Variants in MGAT4A observed in about 807,000 individuals in gnomAD.
MGAT4A encodes alpha-1,3-mannosyl-glycoprotein 4-beta-N-acetylglucosaminyltransferase A.
Under a neutral mutation model 74.1 loss-of-function variants are expected in MGAT4A, and 33 were observed. The ratio of observed to expected loss-of-function variants is 0.45; its 90% CI spans 0.34 to 0.60. The LOEUF is 0.60. MGAT4A is among the 20% of genes least tolerant of loss of function. The probability of loss-of-function intolerance (pLI) is 0.02; values close to 1 mark genes in which losing one functional copy is unlikely to be tolerated. For synonymous variants in MGAT4A, 198 were observed against 210.4 expected (o/e 0.94, Z 0.51); for missense variants, 479 against 628.3 (o/e 0.76, Z 2.54).
chr2:98,621,860 A>C lies in MGAT4A; in HGVS notation c.*3706T>G. 9.9e-7 allele frequency: 1 copy of C among 1,013,006 alleles called. No individual in the cohort carries two copies. The highest frequency in any genetic ancestry group is 1.2e-6 in the Non-Finnish European group (1 of 847,752). 62.8% of individuals were successfully genotyped at this position (1,013,006 alleles called of 1,614,324 possible). A position where few individuals can be genotyped will look rare whatever the true frequency, so the allele number is the denominator to read the frequency against. On this transcript the variant is annotated 3_prime_UTR_variant, in exon 16 of 16. Coordinates refer to ENST00000393487, the MANE Select transcript of MGAT4A (RefSeq NM_012214.3). ...TTAAAAATAACAACACCTTCTAATT[A>C]TTGACTAGTGCAACCACTGATTTGA...
chr2:98,675,320 T>A, intron 3 of MGAT4A, 145 bp from the exon 4 acceptor site: 2 of 622,290 alleles, frequency 3.2e-6, no homozygotes, highest in Non-Finnish European at 5.4e-6. Context: ...GATCTCCATT[T>A]AAGATGAAAA....
chr2:98,677,801 ATTT>A lies in MGAT4A; in HGVS notation c.262+500_262+502del, dbSNP rs70940122. 2.5e-5 allele frequency among the ~76,000 whole-genome samples: 3 copies of A among 121,328 alleles called. No homozygotes were observed. In the Admixed American group the frequency reaches 2.7e-4, roughly 11 times the overall value. The allele number at this position is 121,328 out of a possible 152,430, so 79.6% of individuals were successfully genotyped here. A position where few individuals can be genotyped will look rare whatever the true frequency, so the allele number is the denominator to read the frequency against. ...TAAAATCAGATTTAGCAGGTAATAA[ATTT>A]TTTTTTTTTTTTTTTTTTTGTAATT... On this transcript the variant is annotated intron_variant, in intron 3 of 15. Transcript: ENST00000393487.
intron 2 of MGAT4A, among the ~76,000 whole-genome samples, chr2:98,720,205 A>G (rs993877418): frequency 6.6e-6 from 1 of 152,232 alleles, no homozygotes; most frequent in African/African-American, 2.4e-5. Flanking sequence ...GAATGCCCAG[A>G]CAGCTGATAA....
At chr2:98,649,010 G>C (rs1360515836) in intron 8 of MGAT4A, among the ~76,000 whole-genome samples, 1 of 152,208 alleles carries the variant, frequency 6.6e-6, no homozygotes. Context: ...GCTCCAGCCT[G>C]TGTGACAGTC....
chr2:98,685,754 T>C (rs531166224), intron 2 of MGAT4A, among the ~76,000 whole-genome samples: 7 of 152,318 alleles, frequency 4.6e-5, no homozygotes, highest in African/African-American at 1.7e-4. Flanking sequence ...AAAGGGCTCA[T>C]TAAAACACAG....
chr2:98,727,531 C>A (rs1257864865), intron 1 of MGAT4A, among the ~76,000 whole-genome samples: 1 of 152,192 alleles, frequency 6.6e-6, no homozygotes, highest in Non-Finnish European at 1.5e-5. Flanking sequence ...CCTGGAGGCA[C>A]GCCAGGCCCT....
rs572380638 is a variant in MGAT4A, at chr2:98,716,953, C to T, written c.94+9286G>A. On this transcript the variant is annotated intron_variant, in intron 2 of 15. Transcript: ENST00000393487. ...TCAGTACAGACACAAACACTGTGGA[C>T]CTAACCACATTTTCCATCTGTGGTT... Among the ~76,000 whole-genome samples, 5 of 152,246 alleles carry T rather than the reference C, an allele frequency of 3.3e-5. No individual in the cohort carries two copies. In the South Asian group the frequency reaches 1.0e-3, roughly 32 times the overall value.
chr2:98,692,392 C>T (rs1174218889), intron 2 of MGAT4A, among the ~76,000 whole-genome samples: 2 of 152,144 alleles, frequency 1.3e-5, no homozygotes, highest in East Asian at 3.8e-4. Context: ...ATGTGAGCCA[C>T]TACCCCTAGC....
intron 8 of MGAT4A, among the ~76,000 whole-genome samples, chr2:98,651,756 A>G (rs1245331229): frequency 6.6e-6 from 1 of 152,244 alleles, no homozygotes; most frequent in Non-Finnish European, 1.5e-5. Flanking sequence ...CATCCCAATT[A>G]AAAGACACAG....
In MGAT4A at chr2:98,656,369, G is replaced by C. The variant is rs749938635; in HGVS notation, c.681C>G (p.Asp227Glu). The change falls in exon 7 of 16, where the codon GAC (aspartate) becomes GAG (glutamate). Residue 227 changes from aspartate (D) to glutamate (E), a missense_variant. By Grantham distance (45) the Asp-to-Glu change is conservative. Coordinates refer to ENST00000393487, the MANE Select transcript of MGAT4A (RefSeq NM_012214.3). ...DLTNLKETFG[D>E]SKERVRWRTK... ...ATGCTCACCTTACTCTTTCTTTGGA[G>C]TCTCCAAATGTCTCCTTTAGGTTTG... is the stretch of plus-strand genomic sequence containing the variant. 1 of 1,600,092 alleles carries C rather than the reference G, an allele frequency of 6.2e-7. No homozygotes were observed. The highest frequency in any genetic ancestry group is 8.6e-7 in the Non-Finnish European group (1 of 1,168,812).
rs1275208620 is a variant in MGAT4A at position 98,623,306 on chromosome 2, AGTT to A, written c.*2257_*2259del. Reference sequence around the variant, plus strand: ...TAGCCAGGCAGGCTGTCTTTAAAGAAGTTGTAACAAATCACACCAGGTGCTGCA... The same window carrying A: ...TAGCCAGGCAGGCTGTCTTTAAAGAAGTAACAAATCACACCAGGTGCTGCA... On this transcript the variant is annotated 3_prime_UTR_variant, in exon 16 of 16. Coordinates refer to ENST00000393487, the MANE Select transcript of MGAT4A (RefSeq NM_012214.3). 2 of 985,322 alleles carry A rather than the reference AGTT, an allele frequency of 2.0e-6. No homozygotes were observed. The highest frequency in any genetic ancestry group is 2.4e-6 in the Non-Finnish European group (2 of 829,942). The allele number at this position is 985,322 out of a possible 1,614,324, so 61.0% of individuals were successfully genotyped here. A position where few individuals can be genotyped will look rare whatever the true frequency, so the allele number is the denominator to read the frequency against.
At chr2:98,683,608 C>CCAT in intron 2 of MGAT4A, among the ~76,000 whole-genome samples, 1 of 151,852 alleles carries the variant, frequency 6.6e-6, no homozygotes, top group African/African-American at 2.4e-5. Flanking sequence ...CAGATATAGG[C>CCAT]TCAGTCTTTC....
intron 2 of MGAT4A, among the ~76,000 whole-genome samples, chr2:98,688,527 T>C (rs1273704522): frequency 1.3e-5 from 2 of 152,164 alleles, no homozygotes; most frequent in East Asian, 3.8e-4. Context: ...CTATAGTGTA[T>C]AGTATAATAT....
chr2:98,703,485 A>G (rs1702380010), intron 2 of MGAT4A, among the ~76,000 whole-genome samples: 1 of 152,202 alleles, frequency 6.6e-6, no homozygotes, highest in African/African-American at 2.4e-5. Context: ...TATATGAAAA[A>G]GTAATGACTT....
intron 4 of MGAT4A, among the ~76,000 whole-genome samples, chr2:98,671,986 G>C (rs1701917417): frequency 8.0e-6 from 1 of 125,732 alleles, no homozygotes; most frequent in African/African-American, 3.1e-5. Context: ...CTCCCCTAGA[G>C]ATTCCAGAAG....
At chr2:98,637,153 A>G (rs1701335028) in intron 12 of MGAT4A, among the ~76,000 whole-genome samples, 2 of 151,998 alleles carry the variant, frequency 1.3e-5, no homozygotes, top group African/African-American at 4.8e-5. Context: ...CTACAAAAAA[A>G]TTAAAAAATT....
chr2:98,663,510 T>C (rs1345653793), intron 4 of MGAT4A: 9 of 1,320,070 alleles, frequency 6.8e-6, no homozygotes, highest in Non-Finnish European at 8.9e-6. Flanking sequence ...TAAAAACTAA[T>C]GTCTTATCTC....
intron 7 of MGAT4A, 198 bp from the exon 8 acceptor site, chr2:98,655,718 G>A (rs916480562): frequency 2.2e-6 from 1 of 451,106 alleles, no homozygotes; most frequent in Non-Finnish European, 3.9e-6. Flanking sequence ...TTATCAAAAT[G>A]TATTCCCAAG....
intron 2 of MGAT4A, among the ~76,000 whole-genome samples, chr2:98,696,776 C>T (rs1323948127): frequency 6.6e-6 from 1 of 152,184 alleles, no homozygotes; most frequent in Non-Finnish European, 1.5e-5. Flanking sequence ...TATGAAACAG[C>T]AGAGGAACAC....
Sources: gnomAD v4.1 joint callset for allele counts (sites outside exome capture counted in the v4.1 genomes callset) on GRCh38, gnomAD v4.1.1 for gene constraint, MANE v1.5 for transcripts, NCBI Gene and HGNC (gene_info 2026-07-23, HGNC 2026-07-21) for gene names.